DDX60: variants seen among roughly 807,000 people sequenced by gnomAD.
The protein encoded by DDX60 is DExD/H-box helicase 60.
A neutral mutation model predicts 212.8 loss-of-function variants in DDX60; 165 were observed. The ratio of observed to expected loss-of-function variants is 0.78; its 90% confidence interval spans 0.68 to 0.88. DDX60 has a LOEUF of 0.88. Ranked by LOEUF, DDX60 falls within the 40% of genes least tolerant of loss-of-function variation. The pLI, the probability that DDX60 is intolerant of heterozygous loss-of-function variation, is 0.00. For missense variants in DDX60, 1,905 were observed against 2,003.9 expected (o/e 0.95, Z 0.94); for synonymous variants, 703 against 685.3 (o/e 1.03, Z -0.40).
intron 14 of DDX60, among the ~76,000 whole-genome samples, chr4:168,276,780 A>G (rs747760459): frequency 6.6e-6 from 1 of 152,208 alleles, no homozygotes; most frequent in African/African-American, 2.4e-5. Context: ...TATTTCACCT[A>G]TTTAACAATA....
rs530583066 is a variant in DDX60 at position 168,301,938 on chromosome 4, C to T, written c.723+362G>A. Among the ~76,000 whole-genome samples the T allele has an allele frequency of 7.2e-5, 11 of 152,254 alleles. No homozygotes were observed. The South Asian group carries it at 1.0e-3, about 14-fold the overall frequency. On this transcript the variant is annotated intron_variant, in intron 6 of 37. Transcript: ENST00000393743. ...AAGATGTATAACCTCATTACTGATTCGCAGTCTTCAAAAATGTCAAGGTCA... is the reference window on the plus strand; with the variant it reads ...AAGATGTATAACCTCATTACTGATTTGCAGTCTTCAAAAATGTCAAGGTCA...
chr4:168,324,957 G>T, the DDX60 span, among the ~76,000 whole-genome samples: 1 of 152,238 alleles, frequency 6.6e-6, no homozygotes, highest in African/African-American at 2.4e-5. Context: ...TGTCCCTTCA[G>T]AAGTGAAGCC....
intron 33 of DDX60, among the ~76,000 whole-genome samples, chr4:168,226,942 A>C (rs1485972970): frequency 6.6e-6 from 1 of 152,104 alleles, no homozygotes; most frequent in Non-Finnish European, 1.5e-5. Context: ...ATAGCTAGAA[A>C]GACTGGTCTC....
rs1328027283 is a variant in DDX60, at chr4:168,246,515, G to A, written c.4067C>T (p.Pro1356Leu). 5 of 1,614,008 alleles carry A rather than the reference G, an allele frequency of 3.1e-6. No homozygotes were observed. The highest frequency in any genetic ancestry group is 4.2e-6 in the Non-Finnish European group (5 of 1,179,970). Reference sequence around the variant, plus strand: ...GAGAGGGAAGTGTCCTCTCAGCTCAGGAACATTGGATTTTATGAGTTTTCC... The same window carrying A: ...GAGAGGGAAGTGTCCTCTCAGCTCAAGAACATTGGATTTTATGAGTTTTCC... The part of the protein sequence containing the change: ...KIGKLIKSNV[P>L]ELRGHFPLSI... Residue 1356 changes from proline (P) to leucine (L), a missense_variant, in exon 30 of 38, where the codon CCT becomes CTT. Transcript: ENST00000393743.
chr4:168,219,587 AG>A (rs1304546326), intron 37 of DDX60, among the ~76,000 whole-genome samples: 2 of 152,188 alleles, frequency 1.3e-5, no homozygotes, highest in African/African-American at 4.8e-5. Context: ...AAGTCCAAAC[AG>A]GCCGATTCTG....
At chr4:168,218,805 C>T (rs537663410) in intron 37 of DDX60, among the ~76,000 whole-genome samples, 1 of 152,190 alleles carries the variant, frequency 6.6e-6, no homozygotes, top group African/African-American at 2.4e-5. Context: ...AATACTATTT[C>T]TTCTTCCCCA....
chr4:168,270,875 C>CTTTTTTT (rs759054592), intron 19 of DDX60, among the ~76,000 whole-genome samples: 19 of 110,848 alleles, frequency 1.7e-4, no homozygotes, highest in East Asian at 4.8e-4. Flanking sequence ...TTCTTTCTTT[C>CTTTTTTT]TTTTTTTTTT....
At chr4:168,237,555 C>T in intron 31 of DDX60, 128 bp from the exon 32 acceptor site, 1 of 1,163,632 alleles carries the variant, frequency 8.6e-7, no homozygotes, top group South Asian at 1.9e-5. Flanking sequence ...CTGGGCCCAA[C>T]TTTTATAATT....
intron 33 of DDX60, among the ~76,000 whole-genome samples, chr4:168,234,451 T>C (rs1174208977): frequency 6.6e-6 from 1 of 152,096 alleles, no homozygotes; most frequent in Non-Finnish European, 1.5e-5. Context: ...GTCAACTTAC[T>C]GATCATGACT....
At chr4:168,241,451 T>A (rs1015377125) in intron 30 of DDX60, among the ~76,000 whole-genome samples, 2 of 152,180 alleles carry the variant, frequency 1.3e-5, no homozygotes, top group South Asian at 4.1e-4. Context: ...AAAATGCTGA[T>A]AATGATATGG....
chr4:168,263,120 T>G (rs1734693090), intron 22 of DDX60, among the ~76,000 whole-genome samples: 1 of 152,222 alleles, frequency 6.6e-6, no homozygotes, highest in Non-Finnish European at 1.5e-5. Flanking sequence ...ATAACTTCTA[T>G]CTTACAGCTA....
chr4:168,287,892 T>C (rs1056322016), intron 9 of DDX60, among the ~76,000 whole-genome samples: 1 of 152,162 alleles, frequency 6.6e-6, no homozygotes, highest in Admixed American at 6.5e-5. Flanking sequence ...TATGCATGCA[T>C]TTAAATGAAA....
chr4:168,237,700 C>G lies in DDX60; in HGVS notation c.4260G>C (p.Leu1420=). 1 of 1,610,720 alleles carries G rather than the reference C, an allele frequency of 6.2e-7. No homozygotes were observed. Among genetic ancestry groups the G allele is most frequent in the Non-Finnish European group, 8.5e-7 (1 of 1,178,488 alleles). The part of the protein sequence containing the change: ...KLYFLFSLQF[L]VKEGYLDQEG... The stretch of plus-strand genomic sequence containing the variant: ...GTGCAGTAATGCATACCTCTTTCAC[C>G]AGGAACTGCAAAGAAAACAGGAAGT... Residue 1420 remains leucine (L), a synonymous_variant, in exon 31 of 38, where the codon CTG becomes CTC. Coordinates refer to ENST00000393743, the MANE Select transcript of DDX60 (RefSeq NM_017631.6).
intron 2 of DDX60, 67 bp from the exon 3 acceptor site, chr4:168,311,134 A>T: frequency 1.4e-6 from 2 of 1,414,334 alleles, no homozygotes; most frequent in Admixed American, 3.6e-5. Context: ...TACAGGAGCT[A>T]TCATTTAGTT....
Position 168,276,089 on chromosome 4 carries a change from C to CA in DDX60, c.2070dup (p.Asp691Ter). The CA allele has an allele frequency of 6.2e-7, 1 of 1,613,778 alleles. No homozygotes were observed. Among genetic ancestry groups the CA allele is most frequent in the Middle Eastern group, 1.7e-4 (1 of 6,058 alleles). On this transcript the variant is annotated frameshift_variant, in exon 15 of 38. Transcript: ENST00000393743. LOFTEE classifies it high-confidence loss of function. ...AGGCATCTGGCTATGAGTTGCCGAT[C>CA]ATCTTCTTGTAAAAGTTCTGAGTAT... is the stretch of plus-strand genomic sequence containing the variant.
Position 168,268,907 on chromosome 4 carries a change from T to A in DDX60, c.2733A>T (p.Arg911=), listed in dbSNP as rs1734965058. The A allele has an allele frequency of 6.3e-7, 1 of 1,599,464 alleles. No individual in the cohort carries two copies. Among genetic ancestry groups the A allele is most frequent in the Non-Finnish European group, 8.5e-7 (1 of 1,170,902 alleles). Reference sequence around the variant, plus strand: ...TAGCTGAAAGAGCCAAAAAGGGACATCGGATCATGACAAGGAGATGTTCCC... The same window carrying A: ...TAGCTGAAAGAGCCAAAAAGGGACAACGGATCATGACAAGGAGATGTTCCC... ...EIWEHLLVMI[R]CPFLALSATI... Residue 911 remains arginine (R), a synonymous_variant, in exon 20 of 38, where the codon CGA becomes CGT. Transcript: ENST00000393743.
In DDX60 at chr4:168,216,918, G is replaced by C. The variant is rs759044495; in HGVS notation, c.*15C>G. 1.3e-6 allele frequency: 2 copies of C among 1,527,066 alleles called. No individual in the cohort carries two copies. Among genetic ancestry groups the C allele is most frequent in the Non-Finnish European group, 1.8e-6 (2 of 1,121,010 alleles). 94.6% of individuals were successfully genotyped at this position (1,527,066 alleles called of 1,614,324 possible). A position where few individuals can be genotyped will look rare whatever the true frequency, so the allele number is the denominator to read the frequency against. ...CTATGGAATTATTTTTAAGTGGTTT[G>C]CATAGACTTTGTTTTTAGACTTTGT... On this transcript the variant is annotated 3_prime_UTR_variant, in exon 38 of 38. Coordinates refer to ENST00000393743, the MANE Select transcript of DDX60 (RefSeq NM_017631.6).
intron 19 of DDX60, among the ~76,000 whole-genome samples, chr4:168,269,948 T>A (rs1005012986): frequency 1.3e-5 from 2 of 152,224 alleles, no homozygotes; most frequent in Admixed American, 6.5e-5. Context: ...TCTGACCACC[T>A]ATTCCAGAGT....
chr4:168,283,122 T>C (rs566571801), intron 13 of DDX60, among the ~76,000 whole-genome samples: 2 of 152,286 alleles, frequency 1.3e-5, no homozygotes, highest in East Asian at 3.9e-4. Flanking sequence ...TTACTACCTA[T>C]ATGAAAAAGA....
Sources: gnomAD v4.1 joint callset for allele counts (sites outside exome capture counted in the v4.1 genomes callset) on GRCh38, gnomAD v4.1.1 for gene constraint, MANE v1.5 for transcripts, NCBI Gene and HGNC (gene_info 2026-07-23, HGNC 2026-07-21) for gene names.